Variants in MICU1 observed in about 807,000 individuals in gnomAD.
MICU1 encodes the protein mitochondrial calcium uptake 1, also known as calcium uptake protein 1, mitochondrial.
In MICU1, 45 loss-of-function variants were observed where a neutral mutation model predicts 56.8. The observed-to-expected ratio is 0.79, with a 90% CI of 0.62 to 1.02. The LOEUF is 1.02. Ranked by LOEUF, MICU1 falls within the 50% of genes least tolerant of loss-of-function variation. MICU1 has a pLI of 0.00. For missense variants in MICU1, 504 were observed against 587.1 expected, an observed-to-expected ratio of 0.86 and a Z score of 1.46; for synonymous variants, 186 against 195.1, an observed-to-expected ratio of 0.95 and a Z score of 0.39.
chr10:72,507,114 G>A (rs1867278332), intron 6 of MICU1, among the ~76,000 whole-genome samples: 1 of 151,758 alleles, frequency 6.6e-6, no homozygotes, highest in Non-Finnish European at 1.5e-5. Flanking sequence ...TGGCTGGCTT[G>A]GAGAAGGTGA....
Position 72,388,053 on chromosome 10 carries a change from T to C in MICU1, c.1181-12181A>G, listed in dbSNP as rs555471202. Among the ~76,000 whole-genome samples the C allele has an allele frequency of 2.0e-5, 3 of 152,310 alleles. No individual in the cohort carries two copies. In the East Asian group the frequency reaches 5.8e-4, roughly 29 times the overall value. ...AGGCTTTGAGAACTTAAGGAATTTG[T>C]TCAAGGTCACAAAACTAGTGAATAG... On this transcript the variant is annotated intron_variant, in intron 10 of 11. Coordinates refer to ENST00000361114, the MANE Select transcript of MICU1 (RefSeq NM_001195518.2).
intron 8 of MICU1, among the ~76,000 whole-genome samples, chr10:72,439,932 A>G (rs1564869886): frequency 1.3e-5 from 2 of 152,248 alleles, no homozygotes; most frequent in Non-Finnish European, 2.9e-5. Context: ...TTCCATGCTC[A>G]TGGATAGGAA....
chr10:72,470,711 G>A (rs971061950), intron 8 of MICU1, among the ~76,000 whole-genome samples: 1 of 152,082 alleles, frequency 6.6e-6, no homozygotes, highest in Non-Finnish European at 1.5e-5. Context: ...CTTTGATCGG[G>A]GGGGGTGAGG....
chr10:72,491,660 A>G (rs1866658884), intron 6 of MICU1, among the ~76,000 whole-genome samples: 1 of 152,170 alleles, frequency 6.6e-6, no homozygotes, highest in East Asian at 1.9e-4. Context: ...AGTTAATGTA[A>G]CTAATCTGGT....
chr10:72,494,669 TA>T (rs371333783), intron 6 of MICU1, among the ~76,000 whole-genome samples: 74 of 144,568 alleles, frequency 5.1e-4, no homozygotes, highest in Middle Eastern at 3.5e-3. Flanking sequence ...AAAATAAAAT[TA>T]AAAAAAAAAA....
chr10:72,532,887 C>G, intron 5 of MICU1: 1 of 1,170,948 alleles, frequency 8.5e-7, no homozygotes, highest in East Asian at 5.8e-5. Context: ...CTCCACCTTA[C>G]CAGGATATGG....
intron 1 of MICU1, among the ~76,000 whole-genome samples, chr10:72,592,073 G>A (rs1233599733): frequency 4.7e-5 from 7 of 147,616 alleles, no homozygotes; most frequent in Admixed American, 2.7e-4. Flanking sequence ...GCAGTGGCCC[G>A]ATCCTGGCTC....
intron 1 of MICU1, among the ~76,000 whole-genome samples, chr10:72,595,977 A>ATT (rs71021513): frequency 6.8e-6 from 1 of 146,858 alleles, no homozygotes; most frequent in African/African-American, 2.6e-5. Context: ...CAATAAAAAA[A>ATT]TTTTTTTCTT....
intron 8 of MICU1, among the ~76,000 whole-genome samples, 163 bp downstream of exon 8, chr10:72,474,937 G>C (rs1013277475): frequency 6.6e-6 from 1 of 152,180 alleles, no homozygotes; most frequent in African/African-American, 2.4e-5. Flanking sequence ...CATTTTCACA[G>C]AACATGTTGT....
chr10:72,421,825 C>T (rs1864184440), intron 9 of MICU1, among the ~76,000 whole-genome samples: 1 of 152,200 alleles, frequency 6.6e-6, no homozygotes, highest in Admixed American at 6.5e-5. Context: ...TTTCACTACT[C>T]ACAACTATTT....
chr10:72,526,932 CAAAA>C (rs57033966), intron 5 of MICU1, among the ~76,000 whole-genome samples: 3 of 127,636 alleles, frequency 2.4e-5, no homozygotes, highest in African/African-American at 3.3e-5. Flanking sequence ...GTAATGGCTT[CAAAA>C]AAAAAAAAAA....
At chr10:72,513,348 A>G (rs955362287) in intron 5 of MICU1, among the ~76,000 whole-genome samples, 3 of 152,222 alleles carry the variant, frequency 2.0e-5, no homozygotes, top group East Asian at 1.9e-4. Context: ...GACCATCTGT[A>G]TATCTTCTTT....
At chr10:72,420,009 G>A (rs1237806907) in intron 9 of MICU1, among the ~76,000 whole-genome samples, 4 of 152,144 alleles carry the variant, frequency 2.6e-5, no homozygotes, top group African/African-American at 9.7e-5. Flanking sequence ...TTTACAAAAA[G>A]GAGTTCCCCT....
chr10:72,450,694 T>C (rs1865267512), intron 8 of MICU1, among the ~76,000 whole-genome samples: 1 of 151,842 alleles, frequency 6.6e-6, no homozygotes, highest in Admixed American at 6.6e-5. Flanking sequence ...ATGTTTGAAA[T>C]TATACTTCCT....
chr10:72,482,509 TCA>T (rs1443334178), intron 6 of MICU1, among the ~76,000 whole-genome samples: 1 of 152,170 alleles, frequency 6.6e-6, no homozygotes, highest in Non-Finnish European at 1.5e-5. Flanking sequence ...GTAAGGATGA[TCA>T]CACAGCCTCT....
At chr10:72,583,846 T>C (rs182891843) in intron 1 of MICU1, among the ~76,000 whole-genome samples, 5 of 152,322 alleles carry the variant, frequency 3.3e-5, no homozygotes, top group East Asian at 1.9e-4. Context: ...TTAATGTTCA[T>C]GTCCAGAAAA....
At chr10:72,465,754 T>C (rs967505391) in intron 8 of MICU1, among the ~76,000 whole-genome samples, 5 of 151,994 alleles carry the variant, frequency 3.3e-5, no homozygotes, top group African/African-American at 9.7e-5. Flanking sequence ...CCTCAGGTGA[T>C]CTGCCTGCCT....
intron 9 of MICU1, among the ~76,000 whole-genome samples, chr10:72,418,838 C>T (rs1317797265): frequency 6.6e-6 from 1 of 152,156 alleles, no homozygotes; most frequent in Non-Finnish European, 1.5e-5. Flanking sequence ...GGAGCAAAGG[C>T]CCTTCCTTGA....
intron 8 of MICU1, among the ~76,000 whole-genome samples, chr10:72,427,054 T>C (rs1421527589): frequency 6.6e-6 from 1 of 152,212 alleles, no homozygotes; most frequent in Non-Finnish European, 1.5e-5. Context: ...GCCTCCACTG[T>C]GTTTGATTCT....
Sources: gnomAD v4.1 joint callset for allele counts (sites outside exome capture counted in the v4.1 genomes callset) on GRCh38, gnomAD v4.1.1 for gene constraint, MANE v1.5 for transcripts, NCBI Gene and HGNC (gene_info 2026-07-23, HGNC 2026-07-21) for gene names.